The following PPFIA1 variants were observed in gnomAD, a reference collection of about 807,000 sequenced individuals.
The protein encoded by PPFIA1 is PPFI scaffold protein A1.
Under a neutral mutation model 149.9 loss-of-function variants are expected in PPFIA1, and 25 were observed. That is an observed-to-expected ratio of 0.17 (90% CI 0.12 to 0.23). The LOEUF (loss-of-function observed/expected upper bound fraction) is 0.23. PPFIA1 is among the 10% of genes least tolerant of loss of function. The pLI, the probability that PPFIA1 is intolerant of heterozygous loss-of-function variation, is 1.00. For missense variants in PPFIA1, 1,362 were observed against 1,506.5 expected (o/e 0.90, Z 1.59); for synonymous variants, 549 against 552.8 (o/e 0.99, Z 0.10).
At position 70,330,212 on chromosome 11, in the gene PPFIA1, ACTC is replaced by A; in HGVS notation, c.971_973del (p.Thr324_Leu325delinsIle). 6.2e-7 allele frequency: 1 copy of A among 1,602,852 alleles called. No homozygotes were observed. Among genetic ancestry groups the A allele is most frequent in the South Asian group, 1.1e-5 (1 of 88,818 alleles). On this transcript the variant is annotated inframe_deletion, in exon 8 of 28. Coordinates refer to ENST00000253925, the MANE Select transcript of PPFIA1 (RefSeq NM_003626.5). ...GGAAGATATGGAAGAGAGAATCACT[ACTC>A]TTGAAAAACGCTACCTCGCTGCACA...
In PPFIA1 at chr11:70,320,432, G is replaced by A. The variant is rs192713077; in HGVS notation, c.265-3970G>A. ...TTCAGTGGAGTTAGAACTAGATGTAGCTACTTTTTTTTTTTTTTTTTTTTG... is the reference window on the plus strand; with the variant it reads ...TTCAGTGGAGTTAGAACTAGATGTAACTACTTTTTTTTTTTTTTTTTTTTG... On this transcript the variant is annotated intron_variant, in intron 2 of 27. Coordinates refer to ENST00000253925, the MANE Select transcript of PPFIA1 (RefSeq NM_003626.5). Among the ~76,000 whole-genome samples, 286 of 146,946 alleles carry A rather than the reference G, an allele frequency of 1.9e-3. 1 individual carries two copies. The highest frequency in any genetic ancestry group is 7.1e-3 in the African/African-American group (272 of 38,340).
chr11:70,347,595 A>C (rs1262286028), intron 15 of PPFIA1, among the ~76,000 whole-genome samples: 2 of 152,178 alleles, frequency 1.3e-5, no homozygotes, highest in Non-Finnish European at 2.9e-5. Flanking sequence ...TGCCCCAGCT[A>C]CTTGGGAGGC....
At chr11:70,310,620 G>A (rs115518350) in intron 2 of PPFIA1, among the ~76,000 whole-genome samples, 4,386 of 152,154 alleles carry the variant, frequency 0.029, 240 homozygotes, top group African/African-American at 0.1. Context: ...TCTTGACCCC[G>A]TGATCCGCCT....
intron 16 of PPFIA1, among the ~76,000 whole-genome samples, chr11:70,352,235 T>G (rs1477330607): frequency 6.6e-6 from 1 of 152,116 alleles, no homozygotes; most frequent in African/African-American, 2.4e-5. Context: ...TGGAGTCTGT[T>G]TGTACCTTGG....
chr11:70,336,973 C>T (rs2055018013), intron 11 of PPFIA1, among the ~76,000 whole-genome samples: 1 of 152,228 alleles, frequency 6.6e-6, no homozygotes, highest in African/African-American at 2.4e-5. Context: ...CCTCCTTGAT[C>T]AGTGGGTCAG....
rs1407439514 is a variant in PPFIA1 at position 70,270,707 on chromosome 11, A to C, written c.-208A>C. 1 of 150,930 alleles carries C rather than the reference A, an allele frequency of 6.6e-6. No homozygotes were observed. Among genetic ancestry groups the C allele is most frequent in the Non-Finnish European group, 1.5e-5 (1 of 67,666 alleles). 9.3% of individuals were successfully genotyped at this position (150,930 alleles called of 1,614,324 possible). A position where few individuals can be genotyped will look rare whatever the true frequency, so the allele number is the denominator to read the frequency against. ...GGGCACGTAGACGCCGGCGCCGCGC[A>C]GCCGGGCCCGCTCCTCCTCCGCTCC... is the stretch of plus-strand genomic sequence containing the variant. On this transcript the variant is annotated 5_prime_UTR_variant, in exon 1 of 28. Coordinates refer to ENST00000253925, the MANE Select transcript of PPFIA1 (RefSeq NM_003626.5).
At chr11:70,296,261 C>T (rs973912998) in intron 2 of PPFIA1, among the ~76,000 whole-genome samples, 1 of 152,076 alleles carries the variant, frequency 6.6e-6, no homozygotes, top group Admixed American at 6.5e-5. Flanking sequence ...AGAGACGCTC[C>T]TCACTTCCTA....
chr11:70,305,093 C>T (rs907709640), intron 2 of PPFIA1, among the ~76,000 whole-genome samples: 1 of 152,142 alleles, frequency 6.6e-6, no homozygotes, highest in African/African-American at 2.4e-5. Context: ...CAGCCAGTGG[C>T]CTAGTGTCCC....
chr11:70,321,179 C>T (rs1287284790), intron 2 of PPFIA1: 2 of 152,244 alleles, frequency 1.3e-5, no homozygotes, highest in African/African-American at 4.8e-5. Flanking sequence ...ATCCCTGGTC[C>T]CTTCCATCAT....
chr11:70,326,907 T>C (rs1389043623), intron 7 of PPFIA1, 89 bp downstream of exon 7: 5 of 1,064,546 alleles, frequency 4.7e-6, no homozygotes, highest in Non-Finnish European at 7.0e-6. Flanking sequence ...GTTTGTCTCT[T>C]ACTCTCCCAA....
rs189334284 is a variant in PPFIA1 at position 70,287,671 on chromosome 11, T to A, written c.264+15235T>A. Among the ~76,000 whole-genome samples the A allele has an allele frequency of 2.2e-3, 340 of 151,494 alleles. 2 individuals are homozygous for A. The highest frequency in any genetic ancestry group is 0.021 in the Admixed American group (319 of 15,180). ...AAAAAATTTGTTTTTAGAGATGGGGTTTCACTCTGTTTCCTAGGCTGGAGC... is the reference window on the plus strand; with the variant it reads ...AAAAAATTTGTTTTTAGAGATGGGGATTCACTCTGTTTCCTAGGCTGGAGC... On this transcript the variant is annotated intron_variant, in intron 2 of 27. Transcript: ENST00000253925.
chr11:70,354,078 G>A (rs1306922462), intron 16 of PPFIA1: 7 of 497,636 alleles, frequency 1.4e-5, no homozygotes, highest in African/African-American at 5.8e-5. Flanking sequence ...CCTGTGTCCT[G>A]TTGGGCCCCA....
intron 14 of PPFIA1, 36 bp from the exon 15 acceptor site, chr11:70,343,633 A>T (rs1483754932): frequency 1.3e-6 from 2 of 1,552,786 alleles, no homozygotes; most frequent in Non-Finnish European, 1.8e-6. Flanking sequence ...TAATGTTGTT[A>T]CTTTATCTAC....
rs779808412 is a variant in PPFIA1 at position 70,332,016 on chromosome 11, G to A, written c.1134G>A (p.Leu378=). 1.2e-6 allele frequency: 2 copies of A among 1,613,290 alleles called. No individual in the cohort carries two copies. Among genetic ancestry groups the A allele is most frequent in the Non-Finnish European group, 1.7e-6 (2 of 1,179,632 alleles). ...QERLELAEQK[L]QQTLRKAETL... is the part of the protein sequence containing the mutation. Reference sequence around the variant, plus strand: ...GCTTGGAATTGGCAGAGCAAAAGCTGCAACAGACACTGAGGAAGGCAGAGA... The same window carrying A: ...GCTTGGAATTGGCAGAGCAAAAGCTACAACAGACACTGAGGAAGGCAGAGA... The change falls in exon 9 of 28, where the codon CTG becomes CTA. Residue 378 remains leucine (L), a synonymous_variant. Transcript: ENST00000253925.
intron 18 of PPFIA1, 43 bp from the exon 19 acceptor site, chr11:70,356,118 G>T: frequency 6.9e-7 from 1 of 1,441,530 alleles, no homozygotes; most frequent in Non-Finnish European, 9.7e-7. Flanking sequence ...ATAGAGCTTT[G>T]TCATGCTGAT....
intron 21 of PPFIA1, among the ~76,000 whole-genome samples, chr11:70,370,279 A>G (rs2057165184): frequency 6.6e-6 from 1 of 151,318 alleles, no homozygotes; most frequent in South Asian, 2.1e-4. Flanking sequence ...TTTTCATTTC[A>G]CTGGTTTATT....
rs566229775 is a variant in PPFIA1 at position 70,297,445 on chromosome 11, C to G, written c.264+25009C>G. 7.2e-5 allele frequency among the ~76,000 whole-genome samples: 11 copies of G among 152,138 alleles called. No homozygotes were observed. The East Asian group carries it at 2.1e-3, about 29-fold the overall frequency. On this transcript the variant is annotated intron_variant, in intron 2 of 27. Coordinates refer to ENST00000253925, the MANE Select transcript of PPFIA1 (RefSeq NM_003626.5). ...AAGAAAAAATGAAAAAAGATGTAAACAATATGGAAACATATGGTGTCCACA... is the reference window on the plus strand; with the variant it reads ...AAGAAAAAATGAAAAAAGATGTAAAGAATATGGAAACATATGGTGTCCACA...
chr11:70,278,986 T>C, intron 2 of PPFIA1: 1 of 583,744 alleles, frequency 1.7e-6, no homozygotes, highest in South Asian at 1.6e-5. Context: ...TTACCAGCAA[T>C]TGTAGACTTG....
intron 26 of PPFIA1, chr11:70,378,597 C>G: frequency 2.7e-6 from 1 of 366,346 alleles, no homozygotes; most frequent in South Asian, 1.1e-4. Context: ...GAGAAAATAA[C>G]TGAGTACATT....
Sources: allele counts gnomAD v4.1 joint callset (sites outside exome capture counted in the v4.1 genomes callset), GRCh38; gene constraint gnomAD v4.1.1; transcripts MANE v1.5; gene names NCBI Gene and HGNC (gene_info 2026-07-23, HGNC 2026-07-21).